Variants in KALRN observed in about 807,000 individuals in gnomAD.
KALRN encodes kalirin.
Under a neutral mutation model 353.7 loss-of-function variants are expected in KALRN, and 70 were observed. The ratio of observed to expected loss-of-function variants is 0.20; its 90% CI spans 0.16 to 0.24. KALRN has a LOEUF of 0.24. Ranked by LOEUF, KALRN falls within the 10% of genes least tolerant of loss-of-function variation. The pLI, the probability that KALRN is intolerant of heterozygous loss-of-function variation, is 1.00. For missense variants in KALRN, 2,791 were observed against 3,756.7 expected, an observed-to-expected ratio of 0.74 and a Z score of 6.72; for synonymous variants, 1,391 against 1,434.8, an observed-to-expected ratio of 0.97 and a Z score of 0.69.
At chr3:124,045,886 A>T (rs1209138352) in intron 1 of KALRN, among the ~76,000 whole-genome samples, 1 of 152,160 alleles carries the variant, frequency 6.6e-6, no homozygotes, top group East Asian at 1.9e-4. Flanking sequence ...TTCATTGAAG[A>T]GAGAGTGCTT....
rs151281835 is a variant in KALRN at position 124,389,849 on chromosome 3, T to C, written c.1962+4813T>C. ...TTTAATTTTTTGGCTTTTTTTTGTT[T>C]TGCAAGATTTCTTCAATGATATTTT... is the stretch of plus-strand genomic sequence containing the variant. On this transcript the variant is annotated intron_variant, in intron 11 of 59. Coordinates refer to ENST00000682506, the MANE Select transcript of KALRN (RefSeq NM_001388419.1). Among the ~76,000 whole-genome samples, 790 of 152,340 alleles carry C rather than the reference T, an allele frequency of 5.2e-3. 5 individuals are homozygous for C. Among genetic ancestry groups the C allele is most frequent in the African/African-American group, 0.018 (749 of 41,578 alleles).
At chr3:124,504,918 A>G (rs1359398868) in intron 33 of KALRN, 1 of 508,582 alleles carries the variant, frequency 2.0e-6, no homozygotes, top group East Asian at 5.8e-5. Context: ...AAAGTGGATT[A>G]GCTGGAGACA....
chr3:124,703,509 A>G (rs2062447044), intron 57 of KALRN, among the ~76,000 whole-genome samples: 1 of 152,114 alleles, frequency 6.6e-6, no homozygotes, highest in South Asian at 2.1e-4. Flanking sequence ...AAAGATAGAG[A>G]TCGGTTATTG....
At chr3:124,152,866 C>T (rs1426883589) in intron 1 of KALRN, 5 of 203,944 alleles carry the variant, frequency 2.5e-5, no homozygotes, top group East Asian at 1.3e-4. Flanking sequence ...CCACCCGCCT[C>T]GGCCTCTCAA....
chr3:124,686,144 C>G (rs577233469), intron 51 of KALRN, among the ~76,000 whole-genome samples: 2 of 152,186 alleles, frequency 1.3e-5, no homozygotes, highest in African/African-American at 4.8e-5. Flanking sequence ...ACTTTAAAAC[C>G]TGCTCTAACA....
At chr3:124,301,389 G>A (rs969919227) in intron 6 of KALRN, among the ~76,000 whole-genome samples, 2 of 152,154 alleles carry the variant, frequency 1.3e-5, no homozygotes, top group East Asian at 1.9e-4. Flanking sequence ...GTATGCAACA[G>A]CCAATTAGTG....
intron 5 of KALRN, among the ~76,000 whole-genome samples, chr3:124,285,684 C>T (rs752100344): frequency 1.3e-5 from 2 of 151,950 alleles, no homozygotes; most frequent in African/African-American, 2.4e-5. Context: ...TACAGGTGCA[C>T]GCCACCATGC....
At chr3:124,497,294 A>G (rs2063969187) in intron 33 of KALRN, among the ~76,000 whole-genome samples, 1 of 152,200 alleles carries the variant, frequency 6.6e-6, no homozygotes, top group Non-Finnish European at 1.5e-5. Context: ...TGGGTTTCCA[A>G]AGACTATTTG....
rs2063399169 is a variant in KALRN at position 124,724,748 on chromosome 3, G to C, written c.*5278G>C. The C allele has an allele frequency of 6.7e-6, 1 of 150,284 alleles. No individual in the cohort carries two copies. The allele number at this position is 150,284 out of a possible 1,614,324, so 9.3% of individuals were successfully genotyped here. A position where few individuals can be genotyped will look rare whatever the true frequency, so the allele number is the denominator to read the frequency against. ...GATTATCATAAAACATATTTTCTAT[G>C]AAAGGCATTTCTTCCTCATCTTCAA... On this transcript the variant is annotated 3_prime_UTR_variant, in exon 60 of 60. Coordinates refer to ENST00000682506, the MANE Select transcript of KALRN (RefSeq NM_001388419.1).
chr3:124,063,333 T>C (rs9882047), intron 1 of KALRN, among the ~76,000 whole-genome samples: 134,885 of 152,204 alleles, frequency 0.89, 60,474 homozygotes, highest in East Asian at 1. Flanking sequence ...GGTGACGGGG[T>C]CTGTGATTGT....
chr3:124,714,086 A>AG lies in KALRN; in HGVS notation c.8276+951_8276+952insG, dbSNP rs2063019640. Among the ~76,000 whole-genome samples, 4 of 147,316 alleles carry AG rather than the reference A, an allele frequency of 2.7e-5. No homozygotes were observed. In the South Asian group the frequency reaches 6.4e-4, roughly 23 times the overall value. The stretch of plus-strand genomic sequence containing the variant: ...TAAAATCAGCTGGAAAAAAAAAAAA[A>AG]CAGAGGGGACAAACCCCATGCTGCT... On this transcript the variant is annotated intron_variant, in intron 58 of 59. Transcript: ENST00000682506.
At chr3:124,631,334 T>A (rs951974284) in intron 34 of KALRN, among the ~76,000 whole-genome samples, 1 of 152,174 alleles carries the variant, frequency 6.6e-6, no homozygotes, top group African/African-American at 2.4e-5. Flanking sequence ...AGCTCCAGAC[T>A]TGAAGGCAAG....
intron 1 of KALRN, among the ~76,000 whole-genome samples, chr3:124,042,925 A>G (rs2040099541): frequency 1.3e-5 from 2 of 152,342 alleles, no homozygotes; most frequent in African/African-American, 4.8e-5. Flanking sequence ...AATGAAAAGC[A>G]TACACAGAAT....
At chr3:124,238,588 A>C (rs1442888439) in intron 3 of KALRN, among the ~76,000 whole-genome samples, 2 of 152,008 alleles carry the variant, frequency 1.3e-5, no homozygotes, top group African/African-American at 4.8e-5. Context: ...GAGTATTACC[A>C]CCCCCACCAA....
At chr3:124,396,601 G>A (rs931337086) in intron 12 of KALRN, among the ~76,000 whole-genome samples, 2 of 152,388 alleles carry the variant, frequency 1.3e-5, no homozygotes. Context: ...AGCTCTGGCA[G>A]CTCTAGAATT....
chr3:124,526,880 C>T (rs1194943583), intron 33 of KALRN, among the ~76,000 whole-genome samples: 2 of 152,098 alleles, frequency 1.3e-5, no homozygotes, highest in African/African-American at 4.8e-5. Flanking sequence ...ACTGGGTATC[C>T]ATCACATCAT....
At chr3:124,115,241 AGGTT>A (rs1376267038) in intron 1 of KALRN, among the ~76,000 whole-genome samples, 1 of 152,162 alleles carries the variant, frequency 6.6e-6, no homozygotes, top group Non-Finnish European at 1.5e-5. Context: ...AAAGCTGGAA[AGGTT>A]GGTTGGGTGG....
At chr3:124,400,147 A>G (rs2090678031) in intron 13 of KALRN, among the ~76,000 whole-genome samples, 1 of 152,054 alleles carries the variant, frequency 6.6e-6, no homozygotes, top group Non-Finnish European at 1.5e-5. Context: ...TTTTTTTTTA[A>G]TATATCGAAA....
intron 5 of KALRN, among the ~76,000 whole-genome samples, chr3:124,285,839 A>T (rs2075781490): frequency 6.6e-6 from 1 of 152,128 alleles, no homozygotes; most frequent in Admixed American, 6.5e-5. Flanking sequence ...CCCTGCTTAA[A>T]AATAAAATTT....
Sources: gnomAD v4.1 joint callset for allele counts (sites outside exome capture counted in the v4.1 genomes callset) on GRCh38, gnomAD v4.1.1 for gene constraint, MANE v1.5 for transcripts, NCBI Gene and HGNC (gene_info 2026-07-23, HGNC 2026-07-21) for gene names.